TEAD4: variants seen among roughly 807,000 people sequenced by gnomAD.
TEAD4 encodes TEA domain transcription factor 4, also known as transcriptional enhancer factor TEF-3.
Under a neutral mutation model 52.4 loss-of-function variants are expected in TEAD4, and 36 were observed. That is an observed-to-expected ratio of 0.69 (90% CI 0.53 to 0.91). The LOEUF (loss-of-function observed/expected upper bound fraction) is 0.91, where lower values mean the gene tolerates loss of function less well. TEAD4 is among the 40% of genes least tolerant of loss of function. The pLI is 0.00. For missense variants in TEAD4, 508 were observed against 583.9 expected, an observed-to-expected ratio of 0.87 and a Z score of 1.34; for synonymous variants, 220 against 231.0, an observed-to-expected ratio of 0.95 and a Z score of 0.43.
chr12:2,967,739 C>A (rs1031057009), intron 2 of TEAD4, among the ~76,000 whole-genome samples: 1 of 152,184 alleles, frequency 6.6e-6, no homozygotes, highest in Non-Finnish European at 1.5e-5. Flanking sequence ...TCATTTCATC[C>A]TCTCAGCCCT....
intron 2 of TEAD4, among the ~76,000 whole-genome samples, chr12:2,983,338 T>G (rs1273262866): frequency 1.3e-5 from 2 of 152,142 alleles, no homozygotes; most frequent in Non-Finnish European, 2.9e-5. Flanking sequence ...CGGGACAGCC[T>G]TCCGGGATGG....
intron 10 of TEAD4, among the ~76,000 whole-genome samples, chr12:3,026,645 G>T (rs1335946173): frequency 6.6e-6 from 1 of 152,214 alleles, no homozygotes; most frequent in African/African-American, 2.4e-5. Context: ...TACTTTTTTA[G>T]TTGGGTAAGT....
At chr12:2,975,602 G>T (rs2098228980) in intron 2 of TEAD4, among the ~76,000 whole-genome samples, 1 of 152,018 alleles carries the variant, frequency 6.6e-6, no homozygotes, top group Non-Finnish European at 1.5e-5. Flanking sequence ...TGGTCAGGCT[G>T]GTCTTGAACT....
intron 10 of TEAD4, 36 bp downstream of exon 10, chr12:3,022,053 G>C (rs1565547640): frequency 6.2e-7 from 1 of 1,608,396 alleles, no homozygotes. Context: ...CCTGCCACCA[G>C]CGTGTCCGTG....
intron 2 of TEAD4, among the ~76,000 whole-genome samples, chr12:2,991,338 C>T (rs979239189): frequency 6.6e-6 from 1 of 152,070 alleles, no homozygotes; most frequent in Admixed American, 6.5e-5. Context: ...TACTATATTG[C>T]CAGAAATTAA....
intron 2 of TEAD4, among the ~76,000 whole-genome samples, chr12:2,966,565 C>T (rs568298738): frequency 5.9e-5 from 9 of 151,574 alleles, no homozygotes; most frequent in Non-Finnish European, 1.0e-4. Context: ...CACACGCCAC[C>T]ATGCCCAGCT....
chr12:2,991,341 G>A (rs1168741661), intron 2 of TEAD4, among the ~76,000 whole-genome samples: 1 of 152,180 alleles, frequency 6.6e-6, no homozygotes, highest in Non-Finnish European at 1.5e-5. Context: ...TATATTGCCA[G>A]AAATTAAAGT....
Position 3,040,539 on chromosome 12 carries a change from G to C in TEAD4, c.*61G>C, listed in dbSNP as rs1032984662. The C allele has an allele frequency of 6.0e-6, 9 of 1,489,692 alleles. No individual in the cohort carries two copies. In the African/African-American group the frequency reaches 1.1e-4, roughly 18 times the overall value. 92.3% of individuals were successfully genotyped at this position (1,489,692 alleles called of 1,614,324 possible). A position where few individuals can be genotyped will look rare whatever the true frequency, so the allele number is the denominator to read the frequency against. On this transcript the variant is annotated 3_prime_UTR_variant, in exon 13 of 13. Transcript: ENST00000359864. ...TGTGCAGGAAACGGGGACGTGGGGA[G>C]GGGACCTGCAGGGGCAGCCCCCTGA...
chr12:2,974,386 G>A (rs931086721), intron 2 of TEAD4, among the ~76,000 whole-genome samples: 1 of 152,194 alleles, frequency 6.6e-6, no homozygotes, highest in African/African-American at 2.4e-5. Context: ...TGGGACAGAA[G>A]ACTTACATGA....
intron 2 of TEAD4, among the ~76,000 whole-genome samples, chr12:2,977,364 G>C (rs1364098377): frequency 3.3e-5 from 5 of 151,392 alleles, no homozygotes; most frequent in African/African-American, 1.2e-4. Flanking sequence ...TCTCTCTTTT[G>C]ACCAGGCATT....
At chr12:2,976,512 G>A (rs541555179) in intron 2 of TEAD4, among the ~76,000 whole-genome samples, 1 of 152,242 alleles carries the variant, frequency 6.6e-6, no homozygotes, top group African/African-American at 2.4e-5. Flanking sequence ...TGGGCCGGGC[G>A]CTGTTCTGGA....
intron 2 of TEAD4, among the ~76,000 whole-genome samples, chr12:2,973,139 A>G (rs916554514): frequency 2.0e-5 from 3 of 152,158 alleles, no homozygotes; most frequent in African/African-American, 4.8e-5. Context: ...CAGCAAGGTC[A>G]TAGCTCACTG....
intron 3 of TEAD4, among the ~76,000 whole-genome samples, chr12:3,001,875 G>A (rs1407680173): frequency 1.3e-5 from 2 of 151,742 alleles, no homozygotes; most frequent in African/African-American, 2.4e-5. Flanking sequence ...CAGATCACTC[G>A]AGGTCAGGAG....
intron 2 of TEAD4, among the ~76,000 whole-genome samples, chr12:2,980,707 T>C (rs953521355): frequency 4.0e-5 from 6 of 151,464 alleles, no homozygotes; most frequent in Non-Finnish European, 4.4e-5. Flanking sequence ...TACTCCAGCC[T>C]GGGTGACAGA....
intron 10 of TEAD4, among the ~76,000 whole-genome samples, chr12:3,024,672 A>G: frequency 6.6e-6 from 1 of 152,142 alleles, no homozygotes; most frequent in African/African-American, 2.4e-5. Flanking sequence ...AAAAAACAAA[A>G]AACAAAACAA....
intron 10 of TEAD4, among the ~76,000 whole-genome samples, chr12:3,034,575 G>A (rs1476960598): frequency 6.6e-6 from 1 of 152,210 alleles, no homozygotes; most frequent in Non-Finnish European, 1.5e-5. Context: ...GTGGATGCCA[G>A]TCCTTCCCAG....
At chr12:2,981,353 T>C (rs1190425678) in intron 2 of TEAD4, among the ~76,000 whole-genome samples, 1 of 152,232 alleles carries the variant, frequency 6.6e-6, no homozygotes, top group Non-Finnish European at 1.5e-5. Flanking sequence ...TTCCAGCTCC[T>C]GAGTTTCCAA....
At chr12:2,987,759 GA>G (rs201627990) in intron 2 of TEAD4, among the ~76,000 whole-genome samples, 10,600 of 150,490 alleles carry the variant, frequency 0.07, 783 homozygotes, top group Admixed American at 0.18. Flanking sequence ...AAACTGTGTG[GA>G]ATTTTTTAAA....
At chr12:3,011,572 A>G (rs1005494721) in intron 4 of TEAD4, among the ~76,000 whole-genome samples, 4 of 151,884 alleles carry the variant, frequency 2.6e-5, no homozygotes, top group African/African-American at 7.3e-5. Context: ...GCCATCACTT[A>G]GGAGGAAACC....
Sources: gnomAD v4.1 joint callset for allele counts (sites outside exome capture counted in the v4.1 genomes callset) on GRCh38, gnomAD v4.1.1 for gene constraint, MANE v1.5 for transcripts, NCBI Gene and HGNC (gene_info 2026-07-23, HGNC 2026-07-21) for gene names.